The following CAMTA1 variants were observed in gnomAD, a reference collection of about 807,000 sequenced individuals.
CAMTA1 encodes the protein calmodulin-binding transcription activator 1.
A neutral mutation model predicts 170.9 loss-of-function variants in CAMTA1; 27 were observed. That is an observed-to-expected ratio of 0.16 (90% confidence interval 0.12 to 0.22). The LOEUF is 0.22. Ranked by LOEUF, CAMTA1 falls within the 10% of genes least tolerant of loss-of-function variation. The pLI, the probability that CAMTA1 is intolerant of heterozygous loss-of-function variation, is 1.00. For synonymous variants in CAMTA1, 833 were observed against 891.5 expected (o/e 0.93, Z 1.17); for missense variants, 1,619 against 2,217.2 (o/e 0.73, Z 5.42).
Position 7,681,760 on chromosome 1 carries a change from C to T in CAMTA1, c.2914+4027C>T, listed in dbSNP as rs1441714083. Among the ~76,000 whole-genome samples the T allele has an allele frequency of 6.8e-6, 1 of 148,104 alleles. No homozygotes were observed. The highest frequency in any genetic ancestry group is 6.7e-5 in the Admixed American group (1 of 14,910). On this transcript the variant is annotated intron_variant, in intron 11 of 22. Coordinates refer to ENST00000303635, the MANE Select transcript of CAMTA1 (RefSeq NM_015215.4). The surrounding 1 kb of genome is among the most constrained non-coding windows in gnomAD (Gnocchi z 4.6). ...GATGCTGTCTGTGTAGATTTGGCCT[C>T]GCCTGTGCCTGTGTTTACAAAGAGA...
At chr1:7,513,952 CACACACACACAT>C (rs918114621) in intron 6 of CAMTA1, among the ~76,000 whole-genome samples, 1 of 151,990 alleles carries the variant, frequency 6.6e-6, no homozygotes, top group Non-Finnish European at 1.5e-5. Context: ...CACACATACA[CACACACACACAT>C]ACACACACAA....
chr1:7,597,929 G>A (rs1349329368), intron 6 of CAMTA1, among the ~76,000 whole-genome samples: 4 of 149,878 alleles, frequency 2.7e-5, no homozygotes, highest in Admixed American at 6.7e-5. Context: ...CTATCAACCC[G>A]TCATCTACTT....
intron 3 of CAMTA1, among the ~76,000 whole-genome samples, chr1:6,896,731 G>A (rs1412379457): frequency 6.6e-6 from 1 of 152,098 alleles, no homozygotes; most frequent in Non-Finnish European, 1.5e-5. Flanking sequence ...GGGAAGAAAA[G>A]AATCACGTTT....
At chr1:6,975,525 C>A (rs927862768) in intron 3 of CAMTA1, among the ~76,000 whole-genome samples, 10 of 152,184 alleles carry the variant, frequency 6.6e-5, no homozygotes, top group African/African-American at 2.4e-4. Context: ...GGAGCTGGGC[C>A]TTGAAGGATG....
intron 4 of CAMTA1, among the ~76,000 whole-genome samples, chr1:7,166,950 A>G (rs1306802601): frequency 6.6e-6 from 1 of 151,792 alleles, no homozygotes; most frequent in Admixed American, 6.6e-5. Context: ...ATCTGAGATT[A>G]CAGGTACCCG....
At chr1:7,392,258 C>CTTTTTT (rs3034862) in intron 5 of CAMTA1, among the ~76,000 whole-genome samples, 3 of 135,914 alleles carry the variant, frequency 2.2e-5, no homozygotes, top group East Asian at 2.2e-4. Flanking sequence ...AGACCCCCAT[C>CTTTTTT]TTTTTTTTTT....
chr1:7,722,708 A>G (rs1175450232), intron 11 of CAMTA1, among the ~76,000 whole-genome samples: 1 of 152,134 alleles, frequency 6.6e-6, no homozygotes, highest in African/African-American at 2.4e-5. Context: ...TATATCAATA[A>G]GGTTTCTTTT....
chr1:7,549,358 C>T lies in CAMTA1; in HGVS notation c.510+81457C>T, dbSNP rs12058207. Among the ~76,000 whole-genome samples the T allele has an allele frequency of 2.5e-3, 385 of 152,150 alleles. 4 individuals carry two copies. Among genetic ancestry groups the T allele is most frequent in the African/African-American group, 9.0e-3 (374 of 41,456 alleles). ...CCCTTCTCATTTTCTTCCGGGTTGA[C>T]CTTGTTGGCAGCAGGAAGCTGACCG... is the stretch of plus-strand genomic sequence containing the variant. On this transcript the variant is annotated intron_variant, in intron 6 of 22. Transcript: ENST00000303635.
At position 7,503,849 on chromosome 1, in the gene CAMTA1, C is replaced by T. The variant is rs537650309; in HGVS notation, c.510+35948C>T. Among the ~76,000 whole-genome samples the T allele has an allele frequency of 3.2e-4, 49 of 152,308 alleles. 1 individual carries two copies. The highest frequency in any genetic ancestry group is 3.8e-4 in the African/African-American group (16 of 41,570). ...CTGACGGAGTTCCCTGCAAGTGTGA[C>T]GCATCTGGCCGGCTCTGAGCCACCT... On this transcript the variant is annotated intron_variant, in intron 6 of 22. Coordinates refer to ENST00000303635, the MANE Select transcript of CAMTA1 (RefSeq NM_015215.4).
At chr1:7,076,329 T>C (rs1454662554) in intron 3 of CAMTA1, among the ~76,000 whole-genome samples, 1 of 152,256 alleles carries the variant, frequency 6.6e-6, no homozygotes, top group Non-Finnish European at 1.5e-5. Flanking sequence ...TTTTTATGGC[T>C]TTGACATTAT....
chr1:7,656,597 G>C (rs984282793), intron 7 of CAMTA1, among the ~76,000 whole-genome samples: 4 of 152,212 alleles, frequency 2.6e-5, no homozygotes, highest in African/African-American at 9.7e-5. Context: ...CGTGGCTCAG[G>C]CTTAGCCTGT....
chr1:6,917,844 TCGG>T (rs1557823631), intron 3 of CAMTA1, among the ~76,000 whole-genome samples: 1 of 50,622 alleles, frequency 2.0e-5, no homozygotes, highest in South Asian at 8.3e-4. Flanking sequence ...GCAAAACCCA[TCGG>T]GGGCGGGGGG....
intron 4 of CAMTA1, among the ~76,000 whole-genome samples, chr1:7,158,278 T>A (rs1647012500): frequency 6.6e-6 from 1 of 152,190 alleles, no homozygotes; most frequent in Non-Finnish European, 1.5e-5. Context: ...TTCATTTATA[T>A]CAACTTCTAG....
chr1:7,073,525 G>A (rs1638915970), intron 3 of CAMTA1, among the ~76,000 whole-genome samples: 1 of 152,116 alleles, frequency 6.6e-6, no homozygotes, highest in African/African-American at 2.4e-5. Context: ...TAGAGGACAG[G>A]GGGATGAGGA....
chr1:7,706,232 G>T (rs1233826925), intron 11 of CAMTA1, among the ~76,000 whole-genome samples: 1 of 152,164 alleles, frequency 6.6e-6, no homozygotes, highest in African/African-American at 2.4e-5. Context: ...CCCGGAAGCG[G>T]ACTCAGTAAA....
intron 6 of CAMTA1, among the ~76,000 whole-genome samples, chr1:7,504,006 A>C (rs1481324814): frequency 6.6e-6 from 1 of 152,192 alleles, no homozygotes; most frequent in African/African-American, 2.4e-5. Context: ...GTCTGACCCC[A>C]AAGGGCAGCC....
intron 5 of CAMTA1, among the ~76,000 whole-genome samples, chr1:7,412,597 G>T (rs549508639): frequency 6.8e-6 from 1 of 147,054 alleles, no homozygotes; most frequent in African/African-American, 2.4e-5. Context: ...CCCACTTTTT[G>T]ATGGGGTTGT....
rs543783120 is a variant in CAMTA1, at chr1:7,488,626, AATATAC to A, written c.510+20737_510+20742del. ...TGATACATGTAACACATACACATAC[AATATAC>A]ATATACATATAAGCACATATGTGCA... is the stretch of plus-strand genomic sequence containing the variant. On this transcript the variant is annotated intron_variant, in intron 6 of 22. Coordinates refer to ENST00000303635, the MANE Select transcript of CAMTA1 (RefSeq NM_015215.4). Among the ~76,000 whole-genome samples the A allele has an allele frequency of 2.2e-3, 342 of 152,262 alleles. 1 individual carries two copies. Among genetic ancestry groups the A allele is most frequent in the African/African-American group, 7.9e-3 (328 of 41,508 alleles).
chr1:7,397,523 A>G (rs1046080722), intron 5 of CAMTA1, among the ~76,000 whole-genome samples: 9 of 151,732 alleles, frequency 5.9e-5, no homozygotes, highest in Non-Finnish European at 1.2e-4. Context: ...TCTCATCTCT[A>G]TTTTTTATTG....
Sources: gnomAD v4.1 joint callset for allele counts (sites outside exome capture counted in the v4.1 genomes callset) on GRCh38, gnomAD v4.1.1 for gene constraint, Gnocchi (gnomAD v3.1) non-coding constraint, MANE v1.5 for transcripts, NCBI Gene and HGNC (gene_info 2026-07-23, HGNC 2026-07-21) for gene names.